SH2B2: variants seen among roughly 807,000 people sequenced by gnomAD.
SH2B2 encodes the protein SH2B adaptor protein 2, also known as SH2B adapter protein 2.
A neutral mutation model predicts 35.7 loss-of-function variants in SH2B2; 37 were observed. That is an observed-to-expected ratio of 1.04 (90% confidence interval 0.80 to 1.36). The LOEUF (loss-of-function observed/expected upper bound fraction) is 1.36. SH2B2 is among the 40% of genes most tolerant of loss of function. SH2B2 has a pLI of 0.00. For missense variants in SH2B2, 852 were observed against 817.7 expected, an observed-to-expected ratio of 1.04 and a Z score of -0.51; for synonymous variants, 383 against 376.4, an observed-to-expected ratio of 1.02 and a Z score of -0.20.
chr7:102,319,809 T>C (rs1554557914), intron 7 of SH2B2, among the ~76,000 whole-genome samples: 1 of 152,158 alleles, frequency 6.6e-6, no homozygotes, highest in East Asian at 1.9e-4. Context: ...AAGCCAGCCC[T>C]GTTCCAGCTG....
intron 1 of SH2B2, among the ~76,000 whole-genome samples, chr7:102,288,802 G>A (rs1280592084): frequency 6.6e-6 from 1 of 152,188 alleles, no homozygotes; most frequent in African/African-American, 2.4e-5. Context: ...CTTAGGGAGG[G>A]GAAGTGACTG....
intron 3 of SH2B2, among the ~76,000 whole-genome samples, chr7:102,308,321 TG>T: frequency 6.6e-6 from 1 of 152,344 alleles, no homozygotes; most frequent in East Asian, 1.9e-4. Flanking sequence ...CCAGCAGGGA[TG>T]TCTCCTGCCC....
chr7:102,320,226 C>G (rs1443020985), intron 7 of SH2B2, 105 bp from the exon 8 acceptor site: 1 of 963,904 alleles, frequency 1.0e-6, no homozygotes, highest in East Asian at 2.4e-5. Context: ...TGACACAGCC[C>G]CATACAGCCC....
chr7:102,300,588 C>G lies in SH2B2; in HGVS notation c.38C>G (p.Pro13Arg). Residue 13 changes from proline to arginine, a missense_variant, in exon 2 of 9, where the codon CCG (proline) becomes CGG (arginine). By Grantham distance (103) the Pro-to-Arg change is moderately radical. This residue lies in a region of SH2B2 where 294 missense variants were observed against 286.6 expected (regional missense o/e 1.03). Coordinates refer to ENST00000444095, the MANE Select transcript of SH2B2 (RefSeq NM_001359228.2). ...GAGPGPAAAA[P>R]VPVPVPVPDW... ...GGCCCTGGCCCCGCCGCAGCCGCCCCGGTCCCAGTCCCGGTCCCGGTCCCG... is the reference window on the plus strand; with the variant it reads ...GGCCCTGGCCCCGCCGCAGCCGCCCGGGTCCCAGTCCCGGTCCCGGTCCCG... 5 of 1,549,756 alleles carry G rather than the reference C, an allele frequency of 3.2e-6. No individual in the cohort carries two copies. Among genetic ancestry groups the G allele is most frequent in the Non-Finnish European group, 4.4e-6 (5 of 1,146,370 alleles).
intron 6 of SH2B2, 136 bp downstream of exon 6, chr7:102,314,818 C>T (rs1378807252): frequency 7.6e-6 from 3 of 397,338 alleles, no homozygotes; most frequent in East Asian, 3.6e-5. Context: ...GTCCTTCACA[C>T]GTCTCCGAAG....
chr7:102,317,278 G>T lies in SH2B2; in HGVS notation c.1278G>T (p.Lys426Asn). 6.2e-7 allele frequency: 1 copy of T among 1,613,790 alleles called. No individual in the cohort carries two copies. The highest frequency in any genetic ancestry group is 8.5e-7 in the Non-Finnish European group (1 of 1,179,774). Residue 426 changes from lysine to asparagine, a missense_variant, in exon 7 of 9, where the codon AAG (lysine) becomes AAT (asparagine). By Grantham distance (94) the Lys-to-Asn change is moderately conservative (BLOSUM62 0). Coordinates refer to ENST00000444095, the MANE Select transcript of SH2B2 (RefSeq NM_001359228.2). ...TCCACGGGACACTGTCCCGGGTCAA[G>T]GCTGCTCAACTGGTTCTGGCAGGGG... The part of the protein sequence containing the change: ...PWFHGTLSRV[K>N]AAQLVLAGGP...
upstream of SH2B2, among the ~76,000 whole-genome samples, chr7:102,286,703 G>C (rs1490763079): frequency 3.3e-5 from 5 of 150,452 alleles, no homozygotes; most frequent in Non-Finnish European, 7.4e-5. Flanking sequence ...ACCGGCCACC[G>C]GCGCCGCTCG....
chr7:102,309,020 T>C, intron 4 of SH2B2, 114 bp downstream of exon 4: 1 of 829,690 alleles, frequency 1.2e-6, no homozygotes, highest in Non-Finnish European at 2.1e-6. Flanking sequence ...AAATGAGCAA[T>C]TCAATGCGAT....
At chr7:102,313,968 T>C (rs1468312660) in intron 4 of SH2B2, among the ~76,000 whole-genome samples, 1 of 152,208 alleles carries the variant, frequency 6.6e-6, no homozygotes, top group Non-Finnish European at 1.5e-5. Context: ...AAAGGGGTTC[T>C]GGTTTCTGTG....
chr7:102,319,355 A>C (rs1341051564), intron 7 of SH2B2, among the ~76,000 whole-genome samples: 2 of 152,092 alleles, frequency 1.3e-5, no homozygotes, highest in East Asian at 1.9e-4. Flanking sequence ...TAAGTGGCAG[A>C]GCTCACTTGT....
rs1238372465 is a variant in SH2B2 at position 102,321,379 on chromosome 7, C to A, written c.1648C>A (p.Leu550Ile). ...GCCCGGCCAGCACTACTTCTCCAGC[C>A]TCGCCGCGGCCGCCTGCCCGCCTGC... ...DSPGQHYFSS[L>I]AAAACPPASP... The change falls in exon 9 of 9, where the codon CTC becomes ATC. Residue 550 changes from leucine to isoleucine, a missense_variant. Physicochemically the swap from Leu to Ile is conservative, Grantham distance 5. Coordinates refer to ENST00000444095, the MANE Select transcript of SH2B2 (RefSeq NM_001359228.2). 3 of 1,395,798 alleles carry A rather than the reference C, an allele frequency of 2.1e-6. No individual in the cohort carries two copies. Among genetic ancestry groups the A allele is most frequent in the South Asian group, 3.0e-5 (2 of 67,522 alleles). The allele number at this position is 1,395,798 out of a possible 1,614,324, so 86.5% of individuals were successfully genotyped here.
At chr7:102,319,093 C>T (rs1554557707) in intron 7 of SH2B2, among the ~76,000 whole-genome samples, 1 of 152,196 alleles carries the variant, frequency 6.6e-6, no homozygotes. Flanking sequence ...AAGCAGGAAC[C>T]CCAGCCTCCA....
chr7:102,317,158 T>C (rs1554557156), intron 6 of SH2B2, 29 bp from the exon 7 acceptor site: 2 of 1,532,128 alleles, frequency 1.3e-6, no homozygotes, highest in South Asian at 1.2e-5. Flanking sequence ...CTTCCCCCCA[T>C]GTTCCTCACA....
At chr7:102,289,969 G>A (rs1792610095) in intron 1 of SH2B2, among the ~76,000 whole-genome samples, 1 of 152,138 alleles carries the variant, frequency 6.6e-6, no homozygotes, top group Non-Finnish European at 1.5e-5. Flanking sequence ...TGCTCCTGAA[G>A]GAGGCTGAGT....
At position 102,303,802 on chromosome 7, in the gene SH2B2, C is replaced by T. The variant is rs376255304; in HGVS notation, c.729+2523C>T. Among the ~76,000 whole-genome samples, 30 of 152,322 alleles carry T rather than the reference C, an allele frequency of 2.0e-4. 1 individual carries two copies. In the East Asian group the frequency reaches 4.8e-3, roughly 25 times the overall value. On this transcript the variant is annotated intron_variant, in intron 2 of 8. Coordinates refer to ENST00000444095, the MANE Select transcript of SH2B2 (RefSeq NM_001359228.2). ...CCTTGGGCCTGAGTGACAGTCACAG[C>T]TGCCCTTCTGTAAATAGCAGTGTCT...
At chr7:102,290,102 C>T (rs1792617671) in intron 1 of SH2B2, among the ~76,000 whole-genome samples, 1 of 146,758 alleles carries the variant, frequency 6.8e-6, no homozygotes, top group African/African-American at 2.5e-5. Context: ...CCCAGCCGCT[C>T]AGAGTGCCCC....
At chr7:102,310,057 C>G (rs1554555749) in intron 4 of SH2B2, among the ~76,000 whole-genome samples, 1 of 152,072 alleles carries the variant, frequency 6.6e-6, no homozygotes, top group African/African-American at 2.4e-5. Flanking sequence ...GGTTCATGCC[C>G]ATAGTCCCAG....
chr7:102,316,675 T>C (rs1272593038), intron 6 of SH2B2, among the ~76,000 whole-genome samples: 1 of 151,842 alleles, frequency 6.6e-6, no homozygotes, highest in Non-Finnish European at 1.5e-5. Flanking sequence ...CACTTGAGCC[T>C]AGGAGTTTGA....
chr7:102,301,046 C>G lies in SH2B2; in HGVS notation c.496C>G (p.Pro166Ala). 2.9e-6 allele frequency: 4 copies of G among 1,369,892 alleles called. No homozygotes were observed. In the South Asian group the frequency reaches 4.9e-5, roughly 17 times the overall value. 84.9% of individuals were successfully genotyped at this position (1,369,892 alleles called of 1,614,324 possible). Residue 166 changes from proline to alanine, a missense_variant, in exon 2 of 9, where the codon CCG becomes GCG. Around this residue, in one of 3 missense-constraint regions of SH2B2, gnomAD observed 294 missense variants for 286.6 expected, o/e 1.03. Transcript: ENST00000444095. ...ASPEPDAAAA[P>A]RTAEPRDKWT... ...GCCCGAGCCCGACGCGGCAGCTGCC[C>G]CGCGCACCGCCGAGCCCCGCGACAA...
Sources: gnomAD v4.1 joint callset for allele counts (sites outside exome capture counted in the v4.1 genomes callset) on GRCh38, gnomAD v4.1.1 for gene constraint, gnomAD v4.1.1 regional missense constraint, MANE v1.5 for transcripts, NCBI Gene and HGNC (gene_info 2026-07-23, HGNC 2026-07-21) for gene names.